APBA1: variants seen among roughly 807,000 people sequenced by gnomAD.
APBA1 encodes amyloid beta precursor protein binding family A member 1.
Under a neutral mutation model 86.6 loss-of-function variants are expected in APBA1, and 55 were observed. The ratio of observed to expected loss-of-function variants is 0.64; its 90% confidence interval spans 0.51 to 0.80. The LOEUF is 0.80. Ranked by LOEUF, APBA1 falls within the 30% of genes least tolerant of loss-of-function variation. The pLI, the probability that APBA1 is intolerant of heterozygous loss-of-function variation, is 0.00. For missense variants in APBA1, 1,090 were observed against 1,183.0 expected, an observed-to-expected ratio of 0.92 and a Z score of 1.15; for synonymous variants, 511 against 493.9, an observed-to-expected ratio of 1.03 and a Z score of -0.46.
At chr9:69,581,289 G>A (rs1821908925) in intron 1 of APBA1, among the ~76,000 whole-genome samples, 1 of 152,164 alleles carries the variant, frequency 6.6e-6, no homozygotes. Context: ...TCTGTTGCAA[G>A]TGAAAAGTAA....
chr9:69,641,500 A>G (rs1823286107), intron 1 of APBA1, among the ~76,000 whole-genome samples: 1 of 152,250 alleles, frequency 6.6e-6, no homozygotes, highest in African/African-American at 2.4e-5. Flanking sequence ...AAAACTTAGT[A>G]TAAAGCTACA....
At chr9:69,453,497 G>A (rs1266853043) in intron 8 of APBA1, among the ~76,000 whole-genome samples, 1 of 152,196 alleles carries the variant, frequency 6.6e-6, no homozygotes, top group African/African-American at 2.4e-5. Context: ...CACTTCTCAT[G>A]TGGCTATGCT....
In APBA1 at chr9:69,516,984, G is replaced by T; in HGVS notation, c.227C>A (p.Ala76Glu). The T allele has an allele frequency of 1.3e-6, 2 of 1,584,360 alleles. No homozygotes were observed. Among genetic ancestry groups the T allele is most frequent in the Non-Finnish European group, 8.5e-7 (1 of 1,172,400 alleles). ...QEEEERGECL[A>E]RSASTESGFH... ...GCCGCTCTCCGTGCTGGCTGAGCGC[G>T]CCAGGCATTCCCCGCGCTCCTCTTC... Residue 76 changes from alanine (A) to glutamate (E), a missense_variant, in exon 2 of 13, where the codon GCG becomes GAG. Around this residue, in one of 6 missense-constraint regions of APBA1, gnomAD observed 678 missense variants for 647.1 expected, o/e 1.05. Transcript: ENST00000265381. This position sits in a 1 kb window ranked among gnomAD's most constrained non-coding sequence, Gnocchi z 7.3.
chr9:69,658,304 CTCTTTCTTTCTTTCTTTCTT>C (rs202185776), intron 1 of APBA1, among the ~76,000 whole-genome samples: 16 of 80,034 alleles, frequency 2.0e-4, no homozygotes, highest in African/African-American at 7.2e-4. Flanking sequence ...TTCTCTCTCT[CTCTTTCTTTCTTTCTTTCTT>C]TCTTTCTTTC....
intron 1 of APBA1, among the ~76,000 whole-genome samples, chr9:69,636,632 C>A (rs1823164560): frequency 6.6e-6 from 1 of 151,528 alleles, no homozygotes; most frequent in South Asian, 2.1e-4. Context: ...CCCATCTCTA[C>A]AAAAAGTACA....
intron 1 of APBA1, among the ~76,000 whole-genome samples, chr9:69,581,230 C>A (rs1821908246): frequency 1.3e-5 from 2 of 152,180 alleles, no homozygotes; most frequent in African/African-American, 4.8e-5. Context: ...CCCTGCCCTG[C>A]AATTTCTTCA....
intron 1 of APBA1, among the ~76,000 whole-genome samples, chr9:69,649,197 A>C (rs1030739278): frequency 1.3e-5 from 2 of 152,186 alleles, no homozygotes; most frequent in African/African-American, 4.8e-5. Context: ...CCATCTTGTA[A>C]AATGCACGTA....
intron 1 of APBA1, among the ~76,000 whole-genome samples, chr9:69,636,834 AGGGAGG>A (rs1564098827): frequency 1.2e-4 from 1 of 8,028 alleles, no homozygotes; most frequent in African/African-American, 3.1e-4. Flanking sequence ...AGAGAGAGGG[AGGGAGG>A]GAGGGAGGGA....
At position 69,431,146 on chromosome 9, in the gene APBA1, A is replaced by G. The variant is rs74321637; in HGVS notation, c.*181T>C. 10 of 407,092 alleles carry G rather than the reference A, an allele frequency of 2.5e-5. No individual in the cohort carries two copies. The highest frequency in any genetic ancestry group is 6.3e-5 in the African/African-American group (3 of 47,344). 25.2% of individuals were successfully genotyped at this position (407,092 alleles called of 1,614,324 possible). A position where few individuals can be genotyped will look rare whatever the true frequency, so the allele number is the denominator to read the frequency against. On this transcript the variant is annotated 3_prime_UTR_variant, in exon 13 of 13. Coordinates refer to ENST00000265381, the MANE Select transcript of APBA1 (RefSeq NM_001163.4). ...TACGAAACTTCCCTGGTATTGAAAA[A>G]AAAAAAAAAAAAAAAGCAAATCGGA...
At chr9:69,499,460 C>A (rs1835848142) in intron 2 of APBA1, among the ~76,000 whole-genome samples, 1 of 152,094 alleles carries the variant, frequency 6.6e-6, no homozygotes, top group African/African-American at 2.4e-5. Flanking sequence ...AAGGTGTAAT[C>A]AGCAAGAGGA....
chr9:69,459,543 T>C (rs1835156413), intron 5 of APBA1, among the ~76,000 whole-genome samples: 1 of 152,246 alleles, frequency 6.6e-6, no homozygotes, highest in Admixed American at 6.5e-5. Flanking sequence ...TCTCCAGTAA[T>C]ACTTCTTGCC....
At chr9:69,490,765 G>A (rs984231847) in intron 2 of APBA1, among the ~76,000 whole-genome samples, 5 of 152,020 alleles carry the variant, frequency 3.3e-5, no homozygotes, top group African/African-American at 1.2e-4. Context: ...CAAGAAAAAA[G>A]CAAACAACCC....
At chr9:69,581,220 C>T (rs1821907984) in intron 1 of APBA1, among the ~76,000 whole-genome samples, 1 of 152,190 alleles carries the variant, frequency 6.6e-6, no homozygotes, top group Non-Finnish European at 1.5e-5. Context: ...TTTCCCCTCA[C>T]CCTGCCCTGC....
rs564926209 is a variant in APBA1 at position 69,666,207 on chromosome 9, A to G, written c.-70+5946T>C. 9.7e-4 allele frequency among the ~76,000 whole-genome samples: 148 copies of G among 152,300 alleles called. 1 individual carries two copies. The highest frequency in any genetic ancestry group is 3.0e-3 in the African/African-American group (126 of 41,562). On this transcript the variant is annotated intron_variant, in intron 1 of 12. Coordinates refer to ENST00000265381, the MANE Select transcript of APBA1 (RefSeq NM_001163.4). ...TGCTCCAGGTAAACCAAGGAAACCA[A>G]TAAGGTTTCCCTGCTGTCCCTTGAG...
chr9:69,434,420 A>G (rs1189928754), intron 11 of APBA1, among the ~76,000 whole-genome samples: 3 of 132,648 alleles, frequency 2.3e-5, no homozygotes, highest in African/African-American at 7.6e-5. Flanking sequence ...GCTTAAAACA[A>G]AAAAAAAAAA....
chr9:69,589,496 T>C (rs1822087203), intron 1 of APBA1, among the ~76,000 whole-genome samples: 1 of 152,116 alleles, frequency 6.6e-6, no homozygotes, highest in African/African-American at 2.4e-5. Flanking sequence ...TACAGAGGGA[T>C]GTGTGCAGTG....
intron 1 of APBA1, among the ~76,000 whole-genome samples, chr9:69,551,964 G>A (rs761398558): frequency 1.3e-5 from 2 of 152,218 alleles, no homozygotes; most frequent in Non-Finnish European, 2.9e-5. Flanking sequence ...AAGACACACA[G>A]GAGGGGAAGA....
chr9:69,448,441 A>T (rs2133804702), intron 10 of APBA1, among the ~76,000 whole-genome samples: 1 of 152,338 alleles, frequency 6.6e-6, no homozygotes, highest in East Asian at 1.9e-4. Context: ...TAAGTATAAG[A>T]TATAAGAAAA....
intron 6 of APBA1, 53 bp downstream of exon 6, chr9:69,458,103 C>T (rs1361514320): frequency 3.2e-5 from 48 of 1,508,100 alleles, no homozygotes; most frequent in African/African-American, 2.8e-5. Context: ...AAAACAGAAA[C>T]GAATGAAAAG....
Sources: allele counts gnomAD v4.1 joint callset (sites outside exome capture counted in the v4.1 genomes callset), GRCh38; gene constraint gnomAD v4.1.1; regional missense constraint gnomAD v4.1.1; non-coding constraint Gnocchi (gnomAD v3.1); transcripts MANE v1.5; gene names NCBI Gene and HGNC (gene_info 2026-07-23, HGNC 2026-07-21).